PLA2G2F: variants seen among roughly 807,000 people sequenced by gnomAD.
PLA2G2F encodes the protein phospholipase A2 group IIF, also known as group IIF secretory phospholipase A2.
A neutral mutation model predicts 15.9 loss-of-function variants in PLA2G2F; 17 were observed. That is an observed-to-expected ratio of 1.07 (90% CI 0.73 to 1.60). PLA2G2F has a LOEUF of 1.60. Ranked by LOEUF, PLA2G2F falls within the 40% of genes most tolerant of loss-of-function variation. The pLI, the probability that PLA2G2F is intolerant of heterozygous loss-of-function variation, is 0.00. For missense variants in PLA2G2F, 299 were observed against 278.2 expected, an observed-to-expected ratio of 1.07 and a Z score of -0.53; for synonymous variants, 119 against 106.5, an observed-to-expected ratio of 1.12 and a Z score of -0.72.
intron 4 of PLA2G2F, among the ~76,000 whole-genome samples, chr1:20,145,472 G>A (rs557648794): frequency 2.0e-5 from 3 of 152,010 alleles, no homozygotes; most frequent in East Asian, 3.9e-4. Flanking sequence ...AGGAGATACA[G>A]GGTTTCACCA....
chr1:20,142,337 G>T (rs1254052277), intron 2 of PLA2G2F: 1 of 152,426 alleles, frequency 6.6e-6, no homozygotes, highest in Non-Finnish European at 1.5e-5. Flanking sequence ...GTGGGACCTG[G>T]GCAAGCCTGC....
intron 2 of PLA2G2F, chr1:20,140,475 G>C (rs571295548): frequency 4.1e-6 from 2 of 491,358 alleles, no homozygotes; most frequent in South Asian, 5.2e-5. Flanking sequence ...GCTGGTGTTG[G>C]CTGGGCATTT....
Position 20,148,433 on chromosome 1 carries a change from G to A in PLA2G2F, c.*32G>A, listed in dbSNP as rs1461515458. ...TGAGGTTTGAGAGAGAGAGCGGGAG[G>A]AGGGTCTGGCTTGGGGACCAGACGA... On this transcript the variant is annotated 3_prime_UTR_variant, in exon 5 of 5. Transcript: ENST00000375102. 6.3e-7 allele frequency: 1 copy of A among 1,575,438 alleles called. No individual in the cohort carries two copies. Among genetic ancestry groups the A allele is most frequent in the Non-Finnish European group, 8.7e-7 (1 of 1,147,682 alleles).
intron 4 of PLA2G2F, 41 bp from the exon 5 acceptor site, chr1:20,148,149 C>T (rs764243394): frequency 6.6e-7 from 1 of 1,519,938 alleles, no homozygotes. Context: ...GGAGCTGCTG[C>T]CCCTTTCATC....
At chr1:20,145,555 C>T (rs1271319405) in intron 4 of PLA2G2F, among the ~76,000 whole-genome samples, 2 of 151,674 alleles carry the variant, frequency 1.3e-5, no homozygotes, top group East Asian at 1.9e-4. Flanking sequence ...GCTGGGATTA[C>T]AGGTGTGAGC....
chr1:20,145,463 G>A (rs2017569752), intron 4 of PLA2G2F, among the ~76,000 whole-genome samples: 1 of 151,856 alleles, frequency 6.6e-6, no homozygotes, highest in Admixed American at 6.6e-5. Context: ...TAAATTTTTA[G>A]GAGATACAGG....
Position 20,150,247 on chromosome 1 carries a change from C to G in PLA2G2F, c.*1846C>G, listed in dbSNP as rs2017712542. The G allele has an allele frequency of 6.6e-6, 1 of 152,486 alleles. No individual in the cohort carries two copies. The highest frequency in any genetic ancestry group is 6.5e-5 in the Admixed American group (1 of 15,292). 9.4% of individuals were successfully genotyped at this position (152,486 alleles called of 1,614,324 possible). A position where few individuals can be genotyped will look rare whatever the true frequency, so the allele number is the denominator to read the frequency against. ...TCCCTCGGAAAGACTAGGCCAGGGT[C>G]TGGGGATGGGATTCTGCTGCCAGGG... On this transcript the variant is annotated 3_prime_UTR_variant, in exon 5 of 5. Transcript: ENST00000375102.
chr1:20,144,402 T>C (rs551717637), intron 3 of PLA2G2F, among the ~76,000 whole-genome samples, 178 bp from the exon 4 acceptor site: 1 of 152,288 alleles, frequency 6.6e-6, no homozygotes, highest in South Asian at 2.1e-4. Context: ...AATCAGAACC[T>C]GGGGTGCCGG....
intron 1 of PLA2G2F, 122 bp from the exon 2 acceptor site, chr1:20,140,044 A>G: frequency 1.9e-6 from 2 of 1,030,066 alleles, no homozygotes; most frequent in South Asian, 3.1e-5. Flanking sequence ...AGGAGCAGCA[A>G]CTAGGACATC....
In PLA2G2F at chr1:20,143,594, G is replaced by A. The variant is rs753249687; in HGVS notation, c.314+4G>A. The A allele has an allele frequency of 2.5e-6, 4 of 1,613,250 alleles. No homozygotes were observed. In the South Asian group the frequency reaches 4.4e-5, roughly 18 times the overall value. On this transcript the variant is annotated splice_donor_region_variant and intron_variant, in intron 3 of 4. Transcript: ENST00000375102. ...AGCCCAAGGATGAGGTGGACTGGTA[G>A]GTACCAGAGGCCTGGGCTCCTGTCA...
intron 4 of PLA2G2F, among the ~76,000 whole-genome samples, chr1:20,147,745 C>T (rs954300709): frequency 3.3e-5 from 5 of 152,104 alleles, no homozygotes; most frequent in East Asian, 3.9e-4. Context: ...CCACTGCGCC[C>T]GGCAATAACT....
At position 20,139,526 on chromosome 1, in the gene PLA2G2F, T is replaced by C; in HGVS notation, c.99T>C (p.Cys33=). The change falls in exon 1 of 5, where the codon TGT becomes TGC. Residue 33 remains cysteine, a synonymous_variant. Transcript: ENST00000375102. ...GWRGPRFGAS[C]PSRTSRSSLG... ...GGGGCCCACGCTTCGGGGCCTCCTG[T>C]CCTTCAAGAACCTCCAGGTAGGTGC... 6.4e-7 allele frequency: 1 copy of C among 1,552,620 alleles called. No homozygotes were observed. Among genetic ancestry groups the C allele is most frequent in the Non-Finnish European group, 8.7e-7 (1 of 1,148,104 alleles).
intron 2 of PLA2G2F, chr1:20,140,817 T>C (rs1476205691): frequency 6.6e-6 from 1 of 152,476 alleles, no homozygotes; most frequent in African/African-American, 2.4e-5. Context: ...CTTTCTGGGG[T>C]TGGTACCCAG....
At chr1:20,142,975 G>C (rs1273722297) in intron 2 of PLA2G2F, 6 of 153,390 alleles carry the variant, frequency 3.9e-5, no homozygotes, top group African/African-American at 1.4e-4. Flanking sequence ...AAGTGGCAGG[G>C]GGTGTGGATG....
Position 20,146,404 on chromosome 1 carries a change from G to A in PLA2G2F, c.424+1715G>A, listed in dbSNP as rs190561947. On this transcript the variant is annotated intron_variant, in intron 4 of 4. Coordinates refer to ENST00000375102, the MANE Select transcript of PLA2G2F (RefSeq NM_022819.4). ...CGCCCAGTGTTTCCAGGGATCCAAG[G>A]TATTAGCACCTGGCCTGGCGGGTTC... 1.1e-4 allele frequency among the ~76,000 whole-genome samples: 16 copies of A among 152,332 alleles called. No homozygotes were observed. The South Asian group carries it at 3.1e-3, about 30-fold the overall frequency.
chr1:20,140,161 C>T lies in PLA2G2F; in HGVS notation c.117-5C>T, dbSNP rs761731129. ...ACTCAAGCTCCGGGTTTCGTCCTCC[C>T]TCAGGTCTAGCCTGGGTATGAAGAA... On this transcript the variant is annotated splice_region_variant and splice_polypyrimidine_tract_variant and intron_variant, in intron 1 of 4. Transcript: ENST00000375102. 2 of 1,613,712 alleles carry T rather than the reference C, an allele frequency of 1.2e-6. No individual in the cohort carries two copies. The highest frequency in any genetic ancestry group is 1.1e-5 in the South Asian group (1 of 91,036).
At chr1:20,142,034 C>T (rs2017484575) in intron 2 of PLA2G2F, 1 of 152,282 alleles carries the variant, frequency 6.6e-6, no homozygotes, top group Non-Finnish European at 1.5e-5. Context: ...AGATGTCGGA[C>T]ACCATGTCTC....
chr1:20,139,353 C>A lies in PLA2G2F; in HGVS notation c.-75C>A. ...TGTGCGAGGCAGCGTGAAGCTGGGGCCTGCTCCCCGCAGCCTCTGGAGCGC... is the reference window on the plus strand; with the variant it reads ...TGTGCGAGGCAGCGTGAAGCTGGGGACTGCTCCCCGCAGCCTCTGGAGCGC... On this transcript the variant is annotated 5_prime_UTR_variant, in exon 1 of 5. Coordinates refer to ENST00000375102, the MANE Select transcript of PLA2G2F (RefSeq NM_022819.4). 8.6e-7 allele frequency: 1 copy of A among 1,157,636 alleles called. No individual in the cohort carries two copies. The highest frequency in any genetic ancestry group is 2.6e-5 in the East Asian group (1 of 38,942). The allele number at this position is 1,157,636 out of a possible 1,614,324, so 71.7% of individuals were successfully genotyped here. A position where few individuals can be genotyped will look rare whatever the true frequency, so the allele number is the denominator to read the frequency against.
intron 2 of PLA2G2F, chr1:20,143,144 G>A (rs914282958): frequency 9.9e-6 from 3 of 302,366 alleles, no homozygotes; most frequent in Non-Finnish European, 1.9e-5. Context: ...ATGGATTCAT[G>A]CACATGGAAG....
Sources: allele counts gnomAD v4.1 joint callset (sites outside exome capture counted in the v4.1 genomes callset), GRCh38; gene constraint gnomAD v4.1.1; transcripts MANE v1.5; gene names NCBI Gene and HGNC (gene_info 2026-07-23, HGNC 2026-07-21).